GSTM2: variants seen among roughly 807,000 people sequenced by gnomAD.
GSTM2 encodes the protein GST class-mu 2.
Under a neutral mutation model 33.3 loss-of-function variants are expected in GSTM2, and 33 were observed. The ratio of observed to expected loss-of-function variants is 0.99; its 90% CI spans 0.75 to 1.33. GSTM2 has a LOEUF of 1.33. Among genes scored for constraint, GSTM2 ranks in the 40% most tolerant of loss-of-function variants. The pLI, the probability that GSTM2 is intolerant of heterozygous loss-of-function variation, is 0.00. For synonymous variants in GSTM2, 93 were observed against 95.6 expected, an observed-to-expected ratio of 0.97 and a Z score of 0.16; for missense variants, 213 against 265.8, an observed-to-expected ratio of 0.80 and a Z score of 1.38.
chr1:109,671,494 G>A lies in GSTM2; in HGVS notation c.478G>A (p.Ala160Thr), dbSNP rs200146590. 6.8e-6 allele frequency: 11 copies of A among 1,612,412 alleles called. No individual in the cohort carries two copies. Among genetic ancestry groups the A allele is most frequent in the South Asian group, 3.3e-5 (3 of 91,058 alleles). ...CCAGATCACCTTTGTGGATTTCATC[G>A]CTTATGATGTCCTTGAGAGAAACCA... Reference protein sequence around the residue: ...GDKITFVDFIAYDVLERNQVF... With the variant: ...GDKITFVDFITYDVLERNQVF... Residue 160 changes from alanine (A) to threonine (T), a missense_variant, in exon 7 of 8, where the codon GCT becomes ACT. Physicochemically the swap from Ala to Thr is moderately conservative, Grantham distance 58. Transcript: ENST00000241337.
intron 5 of GSTM2, chr1:109,671,056 C>A (rs138319596): frequency 6.6e-4 from 358 of 541,340 alleles, no homozygotes; most frequent in African/African-American, 6.0e-3. Flanking sequence ...GATTTAGGGA[C>A]AGTGTCACAT....
Position 109,682,795 on chromosome 1 carries a change from T to G in GSTM2, c.567+11212T>G, listed in dbSNP as rs534289564. 1.9e-4 allele frequency among the ~76,000 whole-genome samples: 24 copies of G among 124,386 alleles called. 1 individual carries two copies. The East Asian group carries it at 3.8e-3, about 20-fold the overall frequency. The allele number at this position is 124,386 out of a possible 152,430, so 81.6% of individuals were successfully genotyped here. ...CAGATTGAAGAAAAGATTCTTTATA[T>G]TTCAGATTTCCTAAGTTTACCCAAA... On this transcript the variant is annotated intron_variant, in intron 7 of 7. Coordinates refer to the GSTM2 transcript ENST00000369831.
At chr1:109,675,664 C>G (rs562414678), downstream of GSTM2, among the ~76,000 whole-genome samples, 9 of 152,330 alleles carry the variant, frequency 5.9e-5, no homozygotes, top group African/African-American at 1.9e-4. Flanking sequence ...TGCATCACTT[C>G]TGTTAGGTCT....
chr1:109,671,301 AG>A lies in GSTM2; in HGVS notation c.376del (p.Glu126AsnfsTer10), dbSNP rs1368764433. Reference protein sequence around the residue: ...YDPDFEKLKPEYLQALPEMLK... With the variant: ...YDPDFEKLKPXYLQALPEMLK... ...TTCTGCCTCAGGAGAAACTGAAACC[AG>A]AATACCTGCAGGCACTCCCTGAAAT... On this transcript the variant is annotated frameshift_variant, in exon 6 of 8. Transcript: ENST00000241337. LOFTEE classifies it high-confidence loss of function. The A allele has an allele frequency of 6.2e-7, 1 of 1,613,524 alleles. No individual in the cohort carries two copies. Among genetic ancestry groups the A allele is most frequent in the Non-Finnish European group, 8.5e-7 (1 of 1,179,404 alleles).
chr1:109,678,772 AAAAC>A (rs1255842825), downstream of GSTM2, among the ~76,000 whole-genome samples: 2 of 151,974 alleles, frequency 1.3e-5, no homozygotes, highest in African/African-American at 4.8e-5. Context: ...AAAAAAAAAA[AAAAC>A]AAACTGTATA....
chr1:109,678,685 A>C (rs1647773354), downstream of GSTM2, among the ~76,000 whole-genome samples: 2 of 150,954 alleles, frequency 1.3e-5, no homozygotes, highest in African/African-American at 4.9e-5. Context: ...GCTTGAACTC[A>C]GGAGGCAGAG....
Position 109,671,356 on chromosome 1 carries a change from A to G in GSTM2, c.430A>G (p.Lys144Glu). ...GAAGCTCTACTCACAGTTTCTGGGG[A>G]AGCAGCCATGGTTTCTTGGGGACAA... ...MLKLYSQFLG[K>E]QPWFLGDKIT... Residue 144 changes from lysine (K) to glutamate (E), a missense_variant, in exon 6 of 8, where the codon AAG (lysine) becomes GAG (glutamate). Coordinates refer to ENST00000241337, the MANE Select transcript of GSTM2 (RefSeq NM_000848.4). 1.9e-6 allele frequency: 3 copies of G among 1,613,912 alleles called. No individual in the cohort carries two copies. Among genetic ancestry groups the G allele is most frequent in the South Asian group, 1.1e-5 (1 of 91,082 alleles).
chr1:109,669,335 G>A lies in GSTM2; in HGVS notation c.223G>A (p.Ala75Thr). The change falls in exon 4 of 8, where the codon GCC becomes ACC. Residue 75 changes from alanine (A) to threonine (T), a missense_variant. By Grantham distance (58) the Ala-to-Thr change is moderately conservative. Transcript: ENST00000241337. ...GACTCACAAGATCACCCAGAGCAAC[G>A]CCATCCTGCGGTACATTGCCCGCAA... The part of the protein sequence containing the change: ...DGTHKITQSN[A>T]ILRYIARKHN... 6.2e-7 allele frequency: 1 copy of A among 1,614,188 alleles called. No individual in the cohort carries two copies. Among genetic ancestry groups the A allele is most frequent in the Non-Finnish European group, 8.5e-7 (1 of 1,180,024 alleles).
chr1:109,670,219 TAC>T (rs1647484577), intron 5 of GSTM2: 1 of 152,372 alleles, frequency 6.6e-6, no homozygotes, highest in Non-Finnish European at 1.5e-5. Flanking sequence ...GGTCTGTTTT[TAC>T]AGAGTGCTGA....
chr1:109,668,173 G>C, intron 1 of GSTM2, 22 bp downstream of exon 1: 2 of 1,602,048 alleles, frequency 1.2e-6, no homozygotes, highest in Non-Finnish European at 1.7e-6. Flanking sequence ...TCCGCTGGGC[G>C]GTGGGACGGG....
At chr1:109,677,797 A>G (rs550338215), downstream of GSTM2, among the ~76,000 whole-genome samples, 2 of 152,214 alleles carry the variant, frequency 1.3e-5, no homozygotes, top group Non-Finnish European at 2.9e-5. Flanking sequence ...TTACACTTCA[A>G]TGAAAAGCAT....
chr1:109,676,526 T>C (rs1303048020), downstream of GSTM2, among the ~76,000 whole-genome samples: 2 of 152,148 alleles, frequency 1.3e-5, no homozygotes, highest in Non-Finnish European at 2.9e-5. Context: ...GATTTTTGTA[T>C]TTTTGTTTTA....
chr1:109,668,601 T>G (rs1427682975), intron 2 of GSTM2, 101 bp downstream of exon 2: 2 of 1,317,474 alleles, frequency 1.5e-6, no homozygotes, highest in Non-Finnish European at 2.2e-6. Context: ...CCTCCCTTGC[T>G]GGAACTGCAG....
In GSTM2 at chr1:109,668,391, A is replaced by G. The variant is rs755715389; in HGVS notation, c.37-34A>G. On this transcript the variant is annotated intron_variant, in intron 1 of 7. Coordinates refer to ENST00000241337, the MANE Select transcript of GSTM2 (RefSeq NM_000848.4). The stretch of plus-strand genomic sequence containing the variant: ...GTCGTCACAAAGTCAGGGACCCTCC[A>G]TCTCTGACCCGAGCTGTGGGCCATC... The G allele has an allele frequency of 1.8e-5, 29 of 1,608,814 alleles. No homozygotes were observed. In the Admixed American group the frequency reaches 4.3e-4, roughly 24 times the overall value.
chr1:109,680,149 T>A (rs944278517), downstream of GSTM2, among the ~76,000 whole-genome samples: 1 of 151,990 alleles, frequency 6.6e-6, no homozygotes, highest in Non-Finnish European at 1.5e-5. Context: ...TTGTGGGACT[T>A]CACTCCAAAA....
intron 5 of GSTM2, chr1:109,669,912 T>C (rs687643): frequency 0.47 from 117,492 of 250,826 alleles, 29,111 homozygotes; most frequent in East Asian, 0.71. Flanking sequence ...GGGTTCATGG[T>C]CTGGCTGGCT....
chr1:109,670,244 C>G (rs1439071722), intron 5 of GSTM2: 1 of 152,186 alleles, frequency 6.6e-6, no homozygotes. Context: ...GGTGCGTTTA[C>G]AAACCTTTAG....
chr1:109,668,197 G>T (rs752997040), intron 1 of GSTM2, 46 bp downstream of exon 1: 2 of 1,555,574 alleles, frequency 1.3e-6, no homozygotes, highest in Non-Finnish European at 8.8e-7. Context: ...GCGTGGGGGC[G>T]GGGAAGTGTG....
In GSTM2 at chr1:109,668,101, A is replaced by G. The variant is rs989940439; in HGVS notation, c.-15A>G. ...CCGCTGAGGCCTGTCTGCAGAATCCACAGCAACCAGCACCATGCCCATGAC... is the reference window on the plus strand; with the variant it reads ...CCGCTGAGGCCTGTCTGCAGAATCCGCAGCAACCAGCACCATGCCCATGAC... On this transcript the variant is annotated 5_prime_UTR_variant, in exon 1 of 8. Coordinates refer to ENST00000241337, the MANE Select transcript of GSTM2 (RefSeq NM_000848.4). The G allele has an allele frequency of 6.2e-7, 1 of 1,613,692 alleles. No homozygotes were observed. Among genetic ancestry groups the G allele is most frequent in the Admixed American group, 1.7e-5 (1 of 60,012 alleles).
Sources: gnomAD v4.1 joint callset for allele counts (sites outside exome capture counted in the v4.1 genomes callset) on GRCh38, gnomAD v4.1.1 for gene constraint, MANE v1.5 for transcripts, NCBI Gene and HGNC (gene_info 2026-07-23, HGNC 2026-07-21) for gene names.